DNAH14: variants seen among roughly 807,000 people sequenced by gnomAD.
The protein encoded by DNAH14 is axonemal beta dynein heavy chain 14.
In DNAH14, 478 loss-of-function variants were observed where a neutral mutation model predicts 520.9. The observed-to-expected ratio is 0.92, with a 90% confidence interval of 0.85 to 0.99. The LOEUF is 0.99. Among genes scored for constraint, DNAH14 ranks in the 50% least tolerant of loss-of-function variants. The pLI, the probability that DNAH14 is intolerant of heterozygous loss-of-function variation, is 0.00. For missense variants in DNAH14, 4,831 were observed against 5,234.5 expected (o/e 0.92, Z 2.38); for synonymous variants, 1,581 against 1,757.2 (o/e 0.90, Z 2.51).
At position 225,159,370 on chromosome 1, in the gene DNAH14, T is replaced by TAAGAGAAGCTAGTTTGCCAAA. The variant is rs2081331572; in HGVS notation, c.5332_5352dup (p.Arg1778_Lys1784dup). 1 of 1,551,630 alleles carries TAAGAGAAGCTAGTTTGCCAAA rather than the reference T, an allele frequency of 6.4e-7. No homozygotes were observed. The highest frequency in any genetic ancestry group is 8.7e-7 in the Non-Finnish European group (1 of 1,146,928). On this transcript the variant is annotated inframe_insertion, in exon 35 of 86. Transcript: ENST00000682510. ...GAAACCTTGATTGTTATCGAGGCTA[T>TAAGAGAAGCTAGTTTGCCAAA]AAGAGAAGCTAGTTTGCCAAAATGT...
chr1:225,144,066 T>G (rs924917607), intron 28 of DNAH14, among the ~76,000 whole-genome samples: 3 of 152,220 alleles, frequency 2.0e-5, no homozygotes, highest in African/African-American at 7.2e-5. Flanking sequence ...ACAGTCTTAT[T>G]GGAAACCATA....
chr1:225,293,938 T>G (rs2093950439), intron 55 of DNAH14, among the ~76,000 whole-genome samples: 1 of 152,154 alleles, frequency 6.6e-6, no homozygotes, highest in Admixed American at 6.6e-5. Flanking sequence ...ATTTCTTTCC[T>G]TTATCTAATT....
chr1:225,094,656 C>CAAAAAAAAAAAAAAAAAAAAAAAAA (rs760828776), intron 21 of DNAH14, among the ~76,000 whole-genome samples: 23 of 77,802 alleles, frequency 3.0e-4, no homozygotes, highest in Non-Finnish European at 5.8e-4. Context: ...TTCTGCACAG[C>CAAAAAAAAAAAAAAAAAAAAAAAAA]AAAAAAAAAA....
intron 41 of DNAH14, among the ~76,000 whole-genome samples, chr1:225,226,317 C>T (rs535603568): frequency 3.3e-5 from 5 of 152,294 alleles, no homozygotes; most frequent in South Asian, 2.1e-4. Flanking sequence ...ACTATCCTCC[C>T]GCTGTGTGTA....
intron 43 of DNAH14, among the ~76,000 whole-genome samples, chr1:225,246,421 CTA>C (rs758698624): frequency 1.7e-4 from 26 of 152,138 alleles, no homozygotes; most frequent in Non-Finnish European, 3.1e-4. Flanking sequence ...GCAAAAGAAA[CTA>C]TCATCAGAGT....
intron 41 of DNAH14, among the ~76,000 whole-genome samples, chr1:225,217,564 C>T (rs946625909): frequency 6.6e-6 from 1 of 152,168 alleles, no homozygotes; most frequent in Non-Finnish European, 1.5e-5. Flanking sequence ...TTGGAGCTTC[C>T]AGGCCGCTTT....
At chr1:225,215,439 T>C (rs2089168015) in intron 41 of DNAH14, among the ~76,000 whole-genome samples, 1 of 152,224 alleles carries the variant, frequency 6.6e-6, no homozygotes, top group Admixed American at 6.5e-5. Flanking sequence ...GGTGCAGAGC[T>C]GAGTTCAATT....
At chr1:225,381,983 T>G (rs1169365274) in intron 81 of DNAH14, among the ~76,000 whole-genome samples, 1 of 152,142 alleles carries the variant, frequency 6.6e-6, no homozygotes, top group Non-Finnish European at 1.5e-5. Flanking sequence ...AGACCAGGAA[T>G]AAAATAAGCC....
At chr1:225,089,145 G>T (rs1361494703) in intron 21 of DNAH14, among the ~76,000 whole-genome samples, 4 of 152,070 alleles carry the variant, frequency 2.6e-5, no homozygotes, top group Non-Finnish European at 5.9e-5. Flanking sequence ...GCAAGACAAA[G>T]ATATTATAAG....
At chr1:224,977,936 G>T (rs1354998998) in intron 8 of DNAH14, among the ~76,000 whole-genome samples, 1 of 148,508 alleles carries the variant, frequency 6.7e-6, no homozygotes, top group East Asian at 2.0e-4. Flanking sequence ...TCCCCAATCA[G>T]GGCAATGCAA....
intron 43 of DNAH14, among the ~76,000 whole-genome samples, chr1:225,250,898 G>C (rs1421099861): frequency 2.0e-5 from 3 of 152,150 alleles, no homozygotes; most frequent in African/African-American, 7.2e-5. Flanking sequence ...CCATAAGGGA[G>C]ATGCTTGGAA....
chr1:225,002,919 C>A lies in DNAH14; in HGVS notation c.967C>A (p.Leu323Ile), dbSNP rs1220312060. 1.9e-6 allele frequency: 3 copies of A among 1,545,816 alleles called. No homozygotes were observed. Among genetic ancestry groups the A allele is most frequent in the South Asian group, 2.4e-5 (2 of 83,348 alleles). The change falls in exon 9 of 86, where the codon CTT becomes ATT. Residue 323 changes from leucine (L) to isoleucine (I), a missense_variant. By Grantham distance (5) the Leu-to-Ile change is conservative. Coordinates refer to ENST00000682510, the MANE Select transcript of DNAH14 (RefSeq NM_001367479.1). ...DHENNLSAICLVKLDSSRTYS... is the reference protein window; with the variant it reads ...DHENNLSAICIVKLDSSRTYS... Reference sequence around the variant, plus strand: ...TGAAAATAATCTATCTGCCATATGCCTTGTAAAGGTGAGTAGAAGTATACT... The same window carrying A: ...TGAAAATAATCTATCTGCCATATGCATTGTAAAGGTGAGTAGAAGTATACT...
At chr1:225,269,176 A>G (rs2093228762) in intron 49 of DNAH14, among the ~76,000 whole-genome samples, 1 of 152,218 alleles carries the variant, frequency 6.6e-6, no homozygotes, top group South Asian at 2.1e-4. Flanking sequence ...ATAATGCCAC[A>G]CGTCTACAAC....
chr1:225,141,187 T>C (rs529268273), intron 28 of DNAH14, among the ~76,000 whole-genome samples, 166 bp downstream of exon 28: 45 of 152,254 alleles, frequency 3.0e-4, no homozygotes, highest in African/African-American at 1.0e-3. Context: ...TCCCCCTTTA[T>C]CTGCAGTTTT....
chr1:225,061,643 C>T (rs1425593732), intron 17 of DNAH14, among the ~76,000 whole-genome samples: 2 of 152,148 alleles, frequency 1.3e-5, no homozygotes, highest in Admixed American at 1.3e-4. Context: ...TCCTATACGG[C>T]CATCTTGGAT....
Position 225,258,113 on chromosome 1 carries a change from T to A in DNAH14, c.7019T>A (p.Leu2340His). 1 of 1,508,084 alleles carries A rather than the reference T, an allele frequency of 6.6e-7. No homozygotes were observed. Among genetic ancestry groups the A allele is most frequent in the Non-Finnish European group, 8.8e-7 (1 of 1,132,716 alleles). The allele number at this position is 1,508,084 out of a possible 1,614,324, so 93.4% of individuals were successfully genotyped here. The change falls in exon 45 of 86, where the codon CTC (leucine) becomes CAC (histidine). Residue 2340 changes from leucine to histidine, a missense_variant. By Grantham distance (99) the Leu-to-His change is moderately conservative (BLOSUM62 -3). Coordinates refer to ENST00000682510, the MANE Select transcript of DNAH14 (RefSeq NM_001367479.1). Reference sequence around the variant, plus strand: ...TTAAAGAATTCCTGCCCTGTACTTCTCACAGGTATTACAAATATTTAATAG... The same window carrying A: ...TTAAAGAATTCCTGCCCTGTACTTCACACAGGTATTACAAATATTTAATAG... ...LLLKNSCPVL[L>H]TGESGVGKTA...
intron 9 of DNAH14, among the ~76,000 whole-genome samples, chr1:225,005,245 T>G (rs1244634473): frequency 6.6e-6 from 1 of 152,190 alleles, no homozygotes; most frequent in Non-Finnish European, 1.5e-5. Flanking sequence ...AATAAAAATG[T>G]AAATATTTGT....
intron 11 of DNAH14, among the ~76,000 whole-genome samples, chr1:225,033,561 G>C (rs2066707472): frequency 6.6e-6 from 1 of 152,024 alleles, no homozygotes; most frequent in Non-Finnish European, 1.5e-5. Context: ...GGCTATTTGG[G>C]CTCTTTTTTG....
intron 38 of DNAH14, among the ~76,000 whole-genome samples, chr1:225,200,960 T>G (rs2086748059): frequency 1.3e-5 from 2 of 152,032 alleles, no homozygotes; most frequent in Admixed American, 1.3e-4. Context: ...TATCCAAACT[T>G]TTAGATTTCT....
Sources: gnomAD v4.1 joint callset for allele counts (sites outside exome capture counted in the v4.1 genomes callset) on GRCh38, gnomAD v4.1.1 for gene constraint, MANE v1.5 for transcripts, NCBI Gene and HGNC (gene_info 2026-07-23, HGNC 2026-07-21) for gene names.